Variants in C1GALT1 observed in about 807,000 individuals in gnomAD.
The protein encoded by C1GALT1 is core 1 synthase, glycoprotein-N-acetylgalactosamine 3-beta-galactosyltransferase 1, also known as glycoprotein-N-acetylgalactosamine 3-beta-galactosyltransferase 1.
A neutral mutation model predicts 31.0 loss-of-function variants in C1GALT1; 11 were observed. That is an observed-to-expected ratio of 0.36 (90% CI 0.22 to 0.59). The LOEUF is 0.59. Ranked by LOEUF, C1GALT1 falls within the 20% of genes least tolerant of loss-of-function variation. C1GALT1 has a pLI of 0.79. For synonymous variants in C1GALT1, 175 were observed against 143.6 expected, an observed-to-expected ratio of 1.22 and a Z score of -1.56; for missense variants, 424 against 425.2, an observed-to-expected ratio of 1.00 and a Z score of 0.03.
chr7:7,203,423 C>T (rs532625562), intron 1 of C1GALT1, among the ~76,000 whole-genome samples: 1 of 152,094 alleles, frequency 6.6e-6, no homozygotes, highest in South Asian at 2.1e-4. Flanking sequence ...TTGTCAGATA[C>T]TTTTTCTGCA....
chr7:7,193,718 T>C (rs1249408458), intron 1 of C1GALT1, among the ~76,000 whole-genome samples: 3 of 152,150 alleles, frequency 2.0e-5, no homozygotes, highest in African/African-American at 4.8e-5. Flanking sequence ...CAAAGAATGA[T>C]GGTGACATTT....
intron 1 of C1GALT1, among the ~76,000 whole-genome samples, chr7:7,222,962 T>C (rs991346312): frequency 1.3e-5 from 2 of 152,042 alleles, no homozygotes; most frequent in African/African-American, 4.8e-5. Context: ...TAAAAAAAAG[T>C]CAACTGAGTT....
At chr7:7,217,852 T>C (rs1782316672) in intron 1 of C1GALT1, among the ~76,000 whole-genome samples, 2 of 152,170 alleles carry the variant, frequency 1.3e-5, no homozygotes, top group Admixed American at 1.3e-4. Context: ...CAGTTTTGTT[T>C]GGTAAATCAG....
chr7:7,229,457 T>C (rs1043560542), intron 1 of C1GALT1, among the ~76,000 whole-genome samples: 6 of 152,324 alleles, frequency 3.9e-5, no homozygotes, highest in Non-Finnish European at 8.8e-5. Context: ...CTTGGCTTCA[T>C]GTTTTCAATT....
intron 2 of C1GALT1, chr7:7,157,571 C>G (rs952411121): frequency 6.6e-6 from 1 of 152,172 alleles, no homozygotes; most frequent in African/African-American, 2.4e-5. Flanking sequence ...ATCTATCAAT[C>G]AAGGCACTGA....
intron 2 of C1GALT1, among the ~76,000 whole-genome samples, chr7:7,237,057 A>C (rs748169367): frequency 6.6e-6 from 1 of 152,228 alleles, no homozygotes; most frequent in Non-Finnish European, 1.5e-5. Flanking sequence ...ATGTCTGCTT[A>C]TTTGGGAGTA....
At chr7:7,226,201 A>T (rs1010260162) in intron 1 of C1GALT1, among the ~76,000 whole-genome samples, 1 of 151,210 alleles carries the variant, frequency 6.6e-6, no homozygotes, top group Admixed American at 6.6e-5. Flanking sequence ...TCATAAGGAA[A>T]ATCTTTTGGG....
intron 2 of C1GALT1, among the ~76,000 whole-genome samples, chr7:7,236,910 G>A (rs540639148): frequency 6.6e-6 from 1 of 152,188 alleles, no homozygotes; most frequent in Non-Finnish European, 1.5e-5. Context: ...TGCCTCCATT[G>A]TTAATTTCTC....
chr7:7,191,603 C>G (rs1781075734), intron 1 of C1GALT1, among the ~76,000 whole-genome samples: 1 of 152,068 alleles, frequency 6.6e-6, no homozygotes, highest in Admixed American at 6.6e-5. Flanking sequence ...CAATAGTATA[C>G]AAGGGTTCCA....
At chr7:7,193,808 G>A (rs1781173809) in intron 1 of C1GALT1, among the ~76,000 whole-genome samples, 1 of 152,108 alleles carries the variant, frequency 6.6e-6, no homozygotes, top group African/African-American at 2.4e-5. Context: ...CCATCCATGA[G>A]CATGGAATGT....
chr7:7,182,509 C>T (rs1780626128), upstream of C1GALT1: 1 of 152,266 alleles, frequency 6.6e-6, no homozygotes, highest in South Asian at 2.1e-4. Context: ...TCCGCCCTTC[C>T]CTGGGGCTGG....
At chr7:7,162,792 T>G (rs1239996189) in intron 2 of C1GALT1, among the ~76,000 whole-genome samples, 1 of 152,188 alleles carries the variant, frequency 6.6e-6, no homozygotes, top group Non-Finnish European at 1.5e-5. Flanking sequence ...TTCCTGACTT[T>G]TTAATGATTG....
intron 1 of C1GALT1, among the ~76,000 whole-genome samples, chr7:7,188,284 A>G (rs1780908139): frequency 6.6e-6 from 1 of 152,162 alleles, no homozygotes; most frequent in Admixed American, 6.5e-5. Flanking sequence ...AATTTAGGTA[A>G]TTACCAGTAA....
rs1336320551 is a variant in C1GALT1 at position 7,220,246 on chromosome 7, ATTAAT to A, written c.-17-14052_-17-14048del. 1.1e-4 allele frequency among the ~76,000 whole-genome samples: 16 copies of A among 152,334 alleles called. 1 individual carries two copies. The East Asian group carries it at 3.1e-3, about 29-fold the overall frequency. On this transcript the variant is annotated intron_variant, in intron 1 of 3. Coordinates refer to ENST00000436587, the MANE Select transcript of C1GALT1 (RefSeq NM_020156.5). ...ATAGGGTTGTGGAAAGTTATGGTAA[ATTAAT>A]TTAAAGCACTTAGAAGAATATCCTT...
intron 1 of C1GALT1, among the ~76,000 whole-genome samples, chr7:7,211,888 A>G (rs1562577066): frequency 6.6e-6 from 1 of 152,172 alleles, no homozygotes; most frequent in African/African-American, 2.4e-5. Context: ...TGTAGGCAAA[A>G]AGCTTAAAAA....
At chr7:7,187,866 G>A (rs1780890467) in intron 1 of C1GALT1, among the ~76,000 whole-genome samples, 1 of 152,158 alleles carries the variant, frequency 6.6e-6, no homozygotes, top group African/African-American at 2.4e-5. Context: ...TGGAAACCTG[G>A]ACAGGCTCTA....
At chr7:7,175,810 T>C (rs1379646709) in intron 2 of C1GALT1, among the ~76,000 whole-genome samples, 1 of 152,182 alleles carries the variant, frequency 6.6e-6, no homozygotes, top group Non-Finnish European at 1.5e-5. Flanking sequence ...CTGAGGGCTT[T>C]TTTTTTTCTG....
At chr7:7,172,104 CT>C (rs1780459699) in intron 2 of C1GALT1, among the ~76,000 whole-genome samples, 1 of 152,118 alleles carries the variant, frequency 6.6e-6, no homozygotes, top group Non-Finnish European at 1.5e-5. Flanking sequence ...TTCATTTCAA[CT>C]TGAAAGACTT....
chr7:7,235,736 C>A (rs1357202783), intron 2 of C1GALT1, among the ~76,000 whole-genome samples: 1 of 152,222 alleles, frequency 6.6e-6, no homozygotes, highest in Non-Finnish European at 1.5e-5. Flanking sequence ...CCTTCCTACT[C>A]CTAGAAGTTG....
Sources: allele counts gnomAD v4.1 joint callset (sites outside exome capture counted in the v4.1 genomes callset), GRCh38; gene constraint gnomAD v4.1.1; transcripts MANE v1.5; gene names NCBI Gene and HGNC (gene_info 2026-07-23, HGNC 2026-07-21).